Variants in AKAP8 observed in about 807,000 individuals in gnomAD.
AKAP8 encodes the protein A-kinase anchoring protein 8, also known as A-kinase anchor protein 8.
Under a neutral mutation model 67.5 loss-of-function variants are expected in AKAP8, and 24 were observed. The ratio of observed to expected loss-of-function variants is 0.36; its 90% CI spans 0.26 to 0.50. AKAP8 has a LOEUF of 0.50. Ranked by LOEUF, AKAP8 falls within the 20% of genes least tolerant of loss-of-function variation. AKAP8 has a pLI of 0.97. For synonymous variants in AKAP8, 400 were observed against 371.1 expected, an observed-to-expected ratio of 1.08 and a Z score of -0.90; for missense variants, 971 against 955.9, an observed-to-expected ratio of 1.02 and a Z score of -0.21.
At chr19:15,370,477 A>C (rs1387336042) in intron 7 of AKAP8, among the ~76,000 whole-genome samples, 1 of 152,236 alleles carries the variant, frequency 6.6e-6, no homozygotes, top group Admixed American at 6.5e-5. Context: ...CCCCATGACA[A>C]AGACCCACCC....
intron 9 of AKAP8, among the ~76,000 whole-genome samples, chr19:15,364,824 G>T (rs1967043949): frequency 6.6e-6 from 1 of 152,012 alleles, no homozygotes; most frequent in Admixed American, 6.6e-5. Flanking sequence ...TCACTGTATT[G>T]CTCAGGCTGT....
rs755393923 is a variant in AKAP8, at chr19:15,368,295, A to G, written c.1100T>C (p.Val367Ala). 1 of 1,613,482 alleles carries G rather than the reference A, an allele frequency of 6.2e-7. No homozygotes were observed. Among genetic ancestry groups the G allele is most frequent in the East Asian group, 2.2e-5 (1 of 44,854 alleles). The change falls in exon 9 of 14, where the codon GTG becomes GCG. Residue 367 changes from valine (V) to alanine (A), a missense_variant. Transcript: ENST00000269701. ...RGEKEDEDEDVKKRREKQRRR... is the reference protein window; with the variant it reads ...RGEKEDEDEDAKKRREKQRRR... ...CCTTTGCTTTTCCCTTCTCTTCTTC[A>G]CATCCTCGTCCTCGTCCTCCTTCTC...
chr19:15,371,045 G>A (rs1967148700), intron 7 of AKAP8, among the ~76,000 whole-genome samples: 1 of 152,188 alleles, frequency 6.6e-6, no homozygotes, highest in Admixed American at 6.5e-5. Flanking sequence ...ACAATCAGCA[G>A]GTTTACAGAG....
At position 15,362,234 on chromosome 19, in the gene AKAP8, G is replaced by A; in HGVS notation, c.1178C>T (p.Ser393Phe). 1 of 1,614,092 alleles carries A rather than the reference G, an allele frequency of 6.2e-7. No individual in the cohort carries two copies. Among genetic ancestry groups the A allele is most frequent in the Middle Eastern group, 1.7e-4 (1 of 6,060 alleles). The part of the protein sequence containing the change: ...RAADRIQFAC[S>F]VCKFRSFDDE... ...ATCAAAGCTACGGAACTTGCATACA[G>A]AACAGGCAAACTGAATTCTGTAGAA... is the stretch of plus-strand genomic sequence containing the variant. Residue 393 changes from serine to phenylalanine, a missense_variant, in exon 10 of 14, where the codon TCT becomes TTT. By Grantham distance (155) the Ser-to-Phe change is radical. Coordinates refer to ENST00000269701, the MANE Select transcript of AKAP8 (RefSeq NM_005858.4).
intron 4 of AKAP8, 31 bp downstream of exon 4, chr19:15,373,755 G>T (rs753871612): frequency 5.7e-6 from 9 of 1,583,776 alleles, no homozygotes; most frequent in Non-Finnish European, 7.7e-6. Flanking sequence ...GATGTGTGGG[G>T]TCCCGGGGGA....
In AKAP8 at chr19:15,379,773, C is replaced by T; in HGVS notation, c.-42G>A. 1 of 1,609,306 alleles carries T rather than the reference C, an allele frequency of 6.2e-7. No individual in the cohort carries two copies. Among genetic ancestry groups the T allele is most frequent in the Non-Finnish European group, 8.5e-7 (1 of 1,178,370 alleles). Reference sequence around the variant, plus strand: ...ACCAGCAGCCCCGTTTACTAGGCGACCACAGCACGCATGCGTTCAGCGCAC... The same window carrying T: ...ACCAGCAGCCCCGTTTACTAGGCGATCACAGCACGCATGCGTTCAGCGCAC... On this transcript the variant is annotated 5_prime_UTR_variant, in exon 1 of 14. Coordinates refer to ENST00000269701, the MANE Select transcript of AKAP8 (RefSeq NM_005858.4).
At chr19:15,362,041 C>A in intron 10 of AKAP8, 69 bp downstream of exon 10, 1 of 1,580,458 alleles carries the variant, frequency 6.3e-7, no homozygotes, top group Non-Finnish European at 8.6e-7. Context: ...ATTTCCCTTC[C>A]TCCTTCAAGG....
chr19:15,374,013 G>T lies in AKAP8; in HGVS notation c.144C>A (p.Gly48=), dbSNP rs753083714. 1.2e-6 allele frequency: 2 copies of T among 1,602,220 alleles called. No individual in the cohort carries two copies. Among genetic ancestry groups the T allele is most frequent in the African/African-American group, 2.7e-5 (2 of 73,996 alleles). ...AGGCTGGGCCGTAGCTGTAGGTTGCGCCTGTGGTGACACTGGTGTTCTGGG... is the reference window on the plus strand; with the variant it reads ...AGGCTGGGCCGTAGCTGTAGGTTGCTCCTGTGGTGACACTGGTGTTCTGGG... The part of the protein sequence containing the change: ...YGAQNTSVTT[G]ATYSYGPASW... Residue 48 remains glycine (G), a synonymous_variant, in exon 4 of 14, where the codon GGC becomes GGA. Coordinates refer to ENST00000269701, the MANE Select transcript of AKAP8 (RefSeq NM_005858.4).
At chr19:15,365,653 G>A (rs1967056182) in intron 9 of AKAP8, among the ~76,000 whole-genome samples, 1 of 152,192 alleles carries the variant, frequency 6.6e-6, no homozygotes, top group African/African-American at 2.4e-5. Flanking sequence ...AGCACTGTCA[G>A]GAAGCTACTG....
intron 13 of AKAP8, among the ~76,000 whole-genome samples, chr19:15,357,800 G>A (rs879877449): frequency 1.5e-5 from 2 of 136,270 alleles, no homozygotes; most frequent in Non-Finnish European, 3.0e-5. Context: ...TGCAACCTCC[G>A]CCTCCTGAGT....
At chr19:15,372,768 T>C (rs1031794917) in intron 5 of AKAP8, 83 bp downstream of exon 5, 4 of 1,435,904 alleles carry the variant, frequency 2.8e-6, no homozygotes, top group East Asian at 4.9e-5. Flanking sequence ...TTTAAGTGAA[T>C]GTTGAGATGG....
rs529002085 is a variant in AKAP8, at chr19:15,355,425, A to G, written c.1624-55T>C. 3.5e-5 allele frequency: 53 copies of G among 1,511,828 alleles called. No homozygotes were observed. In the African/African-American group the frequency reaches 6.8e-4, roughly 19 times the overall value. 93.7% of individuals were successfully genotyped at this position (1,511,828 alleles called of 1,614,324 possible). A position where few individuals can be genotyped will look rare whatever the true frequency, so the allele number is the denominator to read the frequency against. Reference sequence around the variant, plus strand: ...GGTGTAAGCAGAGCTCAGGAGGCCCATGATTGCGGGGATGTCAGCTTTTCA... The same window carrying G: ...GGTGTAAGCAGAGCTCAGGAGGCCCGTGATTGCGGGGATGTCAGCTTTTCA... On this transcript the variant is annotated intron_variant, in intron 13 of 13. Coordinates refer to ENST00000269701, the MANE Select transcript of AKAP8 (RefSeq NM_005858.4).
At chr19:15,363,568 G>A (rs1298545318) in intron 9 of AKAP8, among the ~76,000 whole-genome samples, 69 of 150,618 alleles carry the variant, frequency 4.6e-4, no homozygotes, top group East Asian at 4.1e-3. Flanking sequence ...CAGCCGCCCC[G>A]TCCAGGAGGT....
At chr19:15,370,541 C>T (rs1967137627) in intron 7 of AKAP8, among the ~76,000 whole-genome samples, 1 of 151,640 alleles carries the variant, frequency 6.6e-6, no homozygotes, top group Non-Finnish European at 1.5e-5. Context: ...TAGAGTCTCA[C>T]TTGGGGGATG....
intron 7 of AKAP8, 41 bp downstream of exon 7, chr19:15,371,911 A>T: frequency 6.2e-7 from 1 of 1,608,410 alleles, no homozygotes; most frequent in East Asian, 2.2e-5. Flanking sequence ...AGAAAGAAGA[A>T]ATCCCACACT....
intron 9 of AKAP8, among the ~76,000 whole-genome samples, chr19:15,363,433 G>A (rs1967011803): frequency 6.7e-6 from 1 of 149,472 alleles, no homozygotes; most frequent in African/African-American, 2.5e-5. Flanking sequence ...CCCCTACTGG[G>A]AAGTGAGGAG....
chr19:15,355,349 C>G lies in AKAP8; in HGVS notation c.1645G>C (p.Glu549Gln). ...CCTTCCATTTCTGGATCAACAGTTT[C>G]ACTGGTGAAAGGGTCCTCACCCTGG... ...YLKGEDPFTS[E>Q]TVDPEMEGDD... The change falls in exon 14 of 14, where the codon GAA (glutamate) becomes CAA (glutamine). Residue 549 changes from glutamate to glutamine, a missense_variant. Physicochemically the swap from Glu to Gln is conservative, Grantham distance 29. This residue lies in a region of AKAP8 where 204 missense variants were observed against 193.0 expected (regional missense o/e 1.06). Coordinates refer to ENST00000269701, the MANE Select transcript of AKAP8 (RefSeq NM_005858.4). 1 of 1,613,506 alleles carries G rather than the reference C, an allele frequency of 6.2e-7. No individual in the cohort carries two copies. Among genetic ancestry groups the G allele is most frequent in the Non-Finnish European group, 8.5e-7 (1 of 1,179,908 alleles).
intron 9 of AKAP8, 38 bp from the exon 10 acceptor site, chr19:15,362,289 G>A: frequency 6.2e-7 from 1 of 1,611,146 alleles, no homozygotes; most frequent in Non-Finnish European, 8.5e-7. Flanking sequence ...GAAGCAGGGA[G>A]CATCAGCGAG....
At position 15,370,187 on chromosome 19, in the gene AKAP8, A is replaced by T; in HGVS notation, c.1039-8T>A. 1 of 1,614,034 alleles carries T rather than the reference A, an allele frequency of 6.2e-7. No individual in the cohort carries two copies. Among genetic ancestry groups the T allele is most frequent in the Non-Finnish European group, 8.5e-7 (1 of 1,179,982 alleles). On this transcript the variant is annotated splice_polypyrimidine_tract_variant and splice_region_variant and intron_variant, in intron 7 of 13. Coordinates refer to ENST00000269701, the MANE Select transcript of AKAP8 (RefSeq NM_005858.4). Reference sequence around the variant, plus strand: ...GTCGCAGAGTTCATCCTCCTGGAAAAGAGTATACACAAAGTCCGGCAGTGA... The same window carrying T: ...GTCGCAGAGTTCATCCTCCTGGAAATGAGTATACACAAAGTCCGGCAGTGA...
Sources: gnomAD v4.1 joint callset for allele counts (sites outside exome capture counted in the v4.1 genomes callset) on GRCh38, gnomAD v4.1.1 for gene constraint, gnomAD v4.1.1 regional missense constraint, MANE v1.5 for transcripts, NCBI Gene and HGNC (gene_info 2026-07-23, HGNC 2026-07-21) for gene names.